The following ASCC3 variants were observed in gnomAD, a reference collection of about 807,000 sequenced individuals.
ASCC3 encodes the protein ASC-1 complex subunit P200.
A neutral mutation model predicts 256.3 loss-of-function variants in ASCC3; 158 were observed. That is an observed-to-expected ratio of 0.62 (90% CI 0.54 to 0.70). The LOEUF (loss-of-function observed/expected upper bound fraction) is 0.70, where lower values mean the gene tolerates loss of function less well. Ranked by LOEUF, ASCC3 falls within the 30% of genes least tolerant of loss-of-function variation. The probability of loss-of-function intolerance (pLI) is 0.00; values close to 1 mark genes in which losing one functional copy is unlikely to be tolerated. For missense variants in ASCC3, 2,259 were observed against 2,626.0 expected, an observed-to-expected ratio of 0.86 and a Z score of 3.05; for synonymous variants, 948 against 883.4, an observed-to-expected ratio of 1.07 and a Z score of -1.30.
chr6:100,750,638 A>C (rs1304099645), intron 10 of ASCC3, among the ~76,000 whole-genome samples: 1 of 152,002 alleles, frequency 6.6e-6, no homozygotes, highest in African/African-American at 2.4e-5. Context: ...TCTCCTTATA[A>C]CTACATAGTT....
intron 36 of ASCC3, among the ~76,000 whole-genome samples, chr6:100,581,076 T>C (rs1771217364): frequency 3.9e-5 from 6 of 152,130 alleles, no homozygotes; most frequent in Admixed American, 2.0e-4. Flanking sequence ...GCATGATTTA[T>C]AGTCCTTTGG....
At chr6:100,711,373 T>C (rs935785426) in intron 13 of ASCC3, among the ~76,000 whole-genome samples, 1 of 152,210 alleles carries the variant, frequency 6.6e-6, no homozygotes, top group Non-Finnish European at 1.5e-5. Context: ...AGTAAAGTAT[T>C]TATATTTTAA....
chr6:100,768,350 T>A (rs73504962), intron 8 of ASCC3, among the ~76,000 whole-genome samples: 1,952 of 152,180 alleles, frequency 0.013, 41 homozygotes, highest in African/African-American at 0.044. Flanking sequence ...TTTTCCTATA[T>A]AAAAGTCTTA....
At chr6:100,776,121 C>T (rs4463266) in intron 8 of ASCC3, among the ~76,000 whole-genome samples, 83,434 of 151,830 alleles carry the variant, frequency 0.55, 23,276 homozygotes, top group South Asian at 0.75. Context: ...CACACAATAC[C>T]TAATTAAATG....
intron 14 of ASCC3, among the ~76,000 whole-genome samples, chr6:100,664,861 G>A (rs908939365): frequency 6.6e-6 from 1 of 152,166 alleles, no homozygotes; most frequent in Non-Finnish European, 1.5e-5. Context: ...AAAGCCAACA[G>A]AGGAAACTAA....
intron 11 of ASCC3, 131 bp from the exon 12 acceptor site, chr6:100,718,382 T>A: frequency 1.5e-6 from 1 of 672,714 alleles, no homozygotes. Flanking sequence ...TTGAGGGTCC[T>A]ATCATGTCAG....
intron 16 of ASCC3, among the ~76,000 whole-genome samples, chr6:100,660,855 A>C (rs375533812): frequency 4.0e-5 from 6 of 151,674 alleles, no homozygotes; most frequent in African/African-American, 1.4e-4. Flanking sequence ...TGTCTTTCCA[A>C]CATTATTGCA....
intron 33 of ASCC3, among the ~76,000 whole-genome samples, chr6:100,604,285 C>A (rs1187035184): frequency 6.6e-6 from 1 of 151,872 alleles, no homozygotes; most frequent in Non-Finnish European, 1.5e-5. Flanking sequence ...AAAAATTTAT[C>A]AATTTTATTC....
At chr6:100,681,941 G>C (rs913293503) in intron 13 of ASCC3, among the ~76,000 whole-genome samples, 1 of 151,910 alleles carries the variant, frequency 6.6e-6, no homozygotes, top group African/African-American at 2.4e-5. Flanking sequence ...TTCAAATTGT[G>C]ATATTTTCGT....
At chr6:100,658,004 T>C (rs1040359776) in intron 16 of ASCC3, among the ~76,000 whole-genome samples, 9 of 151,524 alleles carry the variant, frequency 5.9e-5, no homozygotes, top group African/African-American at 1.9e-4. Flanking sequence ...CAAAATCATA[T>C]AGTAAGTCAG....
chr6:100,608,422 A>G (rs1355463442), intron 30 of ASCC3, among the ~76,000 whole-genome samples: 7 of 57,616 alleles, frequency 1.2e-4, no homozygotes, highest in African/African-American at 2.6e-4. Flanking sequence ...CCTTATATAT[A>G]TTTTATATAT....
In ASCC3 at chr6:100,651,659, G is replaced by A; in HGVS notation, c.2989-13C>T. The A allele has an allele frequency of 2.2e-6, 3 of 1,376,430 alleles. No individual in the cohort carries two copies. The highest frequency in any genetic ancestry group is 3.0e-6 in the Non-Finnish European group (3 of 1,004,100). The allele number at this position is 1,376,430 out of a possible 1,614,324, so 85.3% of individuals were successfully genotyped here. A position where few individuals can be genotyped will look rare whatever the true frequency, so the allele number is the denominator to read the frequency against. On this transcript the variant is annotated splice_polypyrimidine_tract_variant and intron_variant, in intron 18 of 41. Transcript: ENST00000369162. Reference sequence around the variant, plus strand: ...GTTCATTAAAGGTCTACCAAAGTAAGTGTTATATTTGATTAAAATAAAAAT... The same window carrying A: ...GTTCATTAAAGGTCTACCAAAGTAAATGTTATATTTGATTAAAATAAAAAT...
At chr6:100,722,927 T>C (rs1337742345) in intron 11 of ASCC3, among the ~76,000 whole-genome samples, 2 of 151,834 alleles carry the variant, frequency 1.3e-5, no homozygotes, top group East Asian at 1.9e-4. Flanking sequence ...TATTGTTGAA[T>C]ATTCAAGATA....
chr6:100,789,246 A>G (rs1210540909), intron 8 of ASCC3, among the ~76,000 whole-genome samples: 1 of 151,896 alleles, frequency 6.6e-6, no homozygotes, highest in Non-Finnish European at 1.5e-5. Flanking sequence ...GCTTCTCTAC[A>G]TGAGATCTGA....
In ASCC3 at chr6:100,589,633, C is replaced by T; in HGVS notation, c.5550+1G>A. 1 of 1,613,246 alleles carries T rather than the reference C, an allele frequency of 6.2e-7. No individual in the cohort carries two copies. Among genetic ancestry groups the T allele is most frequent in the Non-Finnish European group, 8.5e-7 (1 of 1,179,666 alleles). On this transcript the variant is annotated splice_donor_variant, in intron 36 of 41. Transcript: ENST00000369162. LOFTEE classifies it high-confidence loss of function. Reference sequence around the variant, plus strand: ...AGATATGAAATATATGAAAAACTCACACTTAGAATTGAAAGCAGTTCTTCA... The same window carrying T: ...AGATATGAAATATATGAAAAACTCATACTTAGAATTGAAAGCAGTTCTTCA...
chr6:100,541,677 C>T (rs1582416439), intron 36 of ASCC3, among the ~76,000 whole-genome samples: 1 of 152,184 alleles, frequency 6.6e-6, no homozygotes, highest in Non-Finnish European at 1.5e-5. Context: ...ATACAGTACT[C>T]AAGAAGGTGA....
chr6:100,697,912 A>C (rs1434160394), intron 13 of ASCC3, among the ~76,000 whole-genome samples: 1 of 152,150 alleles, frequency 6.6e-6, no homozygotes, highest in Non-Finnish European at 1.5e-5. Context: ...TGGCATGCAC[A>C]AAGGCAGATC....
chr6:100,590,082 A>AT, intron 34 of ASCC3, 23 bp from the exon 35 acceptor site: 1 of 1,533,844 alleles, frequency 6.5e-7, no homozygotes, highest in South Asian at 1.1e-5. Context: ...CAAGGTTATT[A>AT]TTATTTGTTT....
At chr6:100,519,395 G>A (rs373674547) in intron 37 of ASCC3, among the ~76,000 whole-genome samples, 3 of 152,176 alleles carry the variant, frequency 2.0e-5, no homozygotes, top group East Asian at 3.9e-4. Context: ...GTATGAATGT[G>A]TATACATGTA....
Sources: allele counts gnomAD v4.1 joint callset (sites outside exome capture counted in the v4.1 genomes callset), GRCh38; gene constraint gnomAD v4.1.1; transcripts MANE v1.5; gene names NCBI Gene and HGNC (gene_info 2026-07-23, HGNC 2026-07-21).